ADD1: variants seen among roughly 807,000 people sequenced by gnomAD.
ADD1 encodes the protein alpha-adducin.
ADD1 carries 24 observed loss-of-function variants against 80.5 expected under a neutral mutation model. That is an observed-to-expected ratio of 0.30 (90% CI 0.22 to 0.42). The LOEUF (loss-of-function observed/expected upper bound fraction) is 0.42. Among genes scored for constraint, ADD1 ranks in the 10% least tolerant of loss-of-function variants. The pLI, the probability that ADD1 is intolerant of heterozygous loss-of-function variation, is 1.00. For synonymous variants in ADD1, 373 were observed against 393.8 expected (o/e 0.95, Z 0.63); for missense variants, 948 against 1,019.0 (o/e 0.93, Z 0.95).
chr4:2,896,474 G>T (rs2109016071), intron 6 of ADD1, among the ~76,000 whole-genome samples: 1 of 151,946 alleles, frequency 6.6e-6, no homozygotes, highest in Middle Eastern at 3.4e-3. Context: ...CTCCCAAAGT[G>T]CTGGGATTAC....
chr4:2,856,057 A>G (rs1356870099), intron 1 of ADD1, among the ~76,000 whole-genome samples: 4 of 3,634 alleles, frequency 1.1e-3, no homozygotes, highest in African/African-American at 2.3e-3. Flanking sequence ...TTCTTTTTTA[A>G]AAAAAAAAAA....
intron 1 of ADD1, among the ~76,000 whole-genome samples, chr4:2,845,081 CT>C (rs59579107): frequency 5.0e-4 from 75 of 149,968 alleles, no homozygotes; most frequent in African/African-American, 1.6e-3. Context: ...GCGATGATAC[CT>C]TTTTTTTTTG....
At chr4:2,865,932 A>G (rs886520104) in intron 1 of ADD1, among the ~76,000 whole-genome samples, 10 of 152,216 alleles carry the variant, frequency 6.6e-5, no homozygotes, top group Admixed American at 1.3e-4. Flanking sequence ...TTTTTCCCAC[A>G]TGTAATTGTT....
At chr4:2,852,207 C>CTTTCTTT (rs1553815097) in intron 1 of ADD1, among the ~76,000 whole-genome samples, 14 of 66,124 alleles carry the variant, frequency 2.1e-4, no homozygotes, top group African/African-American at 8.4e-4. Flanking sequence ...TCCTTTCTTT[C>CTTTCTTT]CTTTCCTTTC....
intron 14 of ADD1, among the ~76,000 whole-genome samples, chr4:2,924,705 C>T (rs1039693140): frequency 6.6e-6 from 1 of 152,150 alleles, no homozygotes; most frequent in Non-Finnish European, 1.5e-5. Context: ...AGTGTCACAC[C>T]GCTATTTACT....
intron 14 of ADD1, among the ~76,000 whole-genome samples, chr4:2,924,706 G>A (rs369400751): frequency 5.3e-5 from 8 of 152,202 alleles, no homozygotes; most frequent in Admixed American, 6.5e-5. Flanking sequence ...GTGTCACACC[G>A]CTATTTACTA....
At chr4:2,905,207 G>T in intron 10 of ADD1, 99 bp downstream of exon 10, 1 of 1,140,836 alleles carries the variant, frequency 8.8e-7, no homozygotes, top group South Asian at 1.4e-5. Context: ...TGACCCAGGT[G>T]TAAAGCGAAC....
chr4:2,911,674 T>C (rs1222355347), intron 13 of ADD1, among the ~76,000 whole-genome samples: 17 of 152,084 alleles, frequency 1.1e-4, no homozygotes, highest in Admixed American at 1.1e-3. Flanking sequence ...CAGGCTGGTC[T>C]CAAACTCCTG....
intron 6 of ADD1, among the ~76,000 whole-genome samples, chr4:2,897,016 C>A (rs1225064262): frequency 6.6e-6 from 1 of 152,138 alleles, no homozygotes; most frequent in East Asian, 1.9e-4. Context: ...CACCTTGGCT[C>A]CCAAATGACT....
intron 1 of ADD1, among the ~76,000 whole-genome samples, chr4:2,847,741 C>G (rs557570323): frequency 2.6e-5 from 4 of 152,244 alleles, no homozygotes; most frequent in South Asian, 4.2e-4. Flanking sequence ...TCAATATATG[C>G]TAGAAGTACA....
intron 14 of ADD1, among the ~76,000 whole-genome samples, chr4:2,919,784 A>G (rs531916232): frequency 4.2e-4 from 64 of 151,838 alleles, no homozygotes; most frequent in African/African-American, 1.5e-3. Flanking sequence ...TTTAAAAAAA[A>G]CCAGCTCCTG....
In ADD1 at chr4:2,875,969, C is replaced by A; in HGVS notation, c.54C>A (p.Ala18=). 6.2e-7 allele frequency: 1 copy of A among 1,613,812 alleles called. No individual in the cohort carries two copies. Among genetic ancestry groups the A allele is most frequent in the South Asian group, 1.1e-5 (1 of 90,996 alleles). The change falls in exon 2 of 16, where the codon GCC becomes GCA. Residue 18 remains alanine (A), a synonymous_variant. Transcript: ENST00000683351. Reference sequence around the variant, plus strand: ...TGACCTCACCACCCCCGACCACAGCCCCTCACAAGGAGAGGTACTTCGACC... The same window carrying A: ...TGACCTCACCACCCCCGACCACAGCACCTCACAAGGAGAGGTACTTCGACC... ...AVVTSPPPTT[A]PHKERYFDRV... is the part of the protein sequence containing the mutation.
At chr4:2,867,378 C>A (rs1729706971) in intron 1 of ADD1, among the ~76,000 whole-genome samples, 1 of 152,130 alleles carries the variant, frequency 6.6e-6, no homozygotes, top group Admixed American at 6.6e-5. Context: ...GTGGAACCAA[C>A]CTCTGATTTT....
intron 1 of ADD1, chr4:2,868,006 TC>T (rs1729807090): frequency 6.6e-6 from 1 of 152,248 alleles, no homozygotes; most frequent in African/African-American, 2.4e-5. Flanking sequence ...CAAGAGGACA[TC>T]CGGAGACACA....
rs2109062815 is a variant in ADD1, at chr4:2,905,042, C to T, written c.1440C>T (p.His480=). The T allele has an allele frequency of 6.2e-7, 1 of 1,614,192 alleles. No individual in the cohort carries two copies. The highest frequency in any genetic ancestry group is 8.5e-7 in the Non-Finnish European group (1 of 1,180,038). The change falls in exon 10 of 16, where the codon CAC becomes CAT. Residue 480 remains histidine (H), a synonymous_variant. Coordinates refer to ENST00000683351, the MANE Select transcript of ADD1 (RefSeq NM_001354761.2). The part of the protein sequence containing the change: ...TKVWTNITHD[H]VKPLLQSLSS... ...TGTGGACGAACATTACACACGATCA[C>T]GTGAAACCCTTGCTGCAGTCTCTCT...
intron 9 of ADD1, among the ~76,000 whole-genome samples, chr4:2,903,205 C>T (rs1736481050): frequency 6.6e-6 from 1 of 152,042 alleles, no homozygotes; most frequent in East Asian, 1.9e-4. Context: ...TATGTCTGAC[C>T]CTGTGCAGTC....
At chr4:2,854,630 T>G (rs1317334956) in intron 1 of ADD1, among the ~76,000 whole-genome samples, 4 of 152,262 alleles carry the variant, frequency 2.6e-5, no homozygotes, top group Non-Finnish European at 4.4e-5. Flanking sequence ...TATGGCCTTT[T>G]CCATTCCGAA....
intron 13 of ADD1, among the ~76,000 whole-genome samples, chr4:2,910,872 T>C (rs147365186): frequency 0.028 from 4,194 of 152,334 alleles, 95 homozygotes; most frequent in Middle Eastern, 0.061. Flanking sequence ...GGAAGAGAGC[T>C]TGACCACCTG....
At chr4:2,875,819 C>A in intron 1 of ADD1, 77 bp from the exon 2 acceptor site, 1 of 1,194,552 alleles carries the variant, frequency 8.4e-7, no homozygotes, top group Non-Finnish European at 1.2e-6. Context: ...TTGTGTTTAC[C>A]AAGCTCATGT....
Sources: gnomAD v4.1 joint callset for allele counts (sites outside exome capture counted in the v4.1 genomes callset) on GRCh38, gnomAD v4.1.1 for gene constraint, MANE v1.5 for transcripts, NCBI Gene and HGNC (gene_info 2026-07-23, HGNC 2026-07-21) for gene names.